UBAP1: variants seen among roughly 807,000 people sequenced by gnomAD.
UBAP1 encodes the protein ubiquitin-associated protein 1.
In UBAP1, 5 loss-of-function variants were observed where a neutral mutation model predicts 39.0. The observed-to-expected ratio is 0.13, with a 90% CI of 0.07 to 0.27. The LOEUF is 0.27. UBAP1 is among the 10% of genes least tolerant of loss of function. UBAP1 has a pLI of 1.00. For synonymous variants in UBAP1, 211 were observed against 225.1 expected (o/e 0.94, Z 0.56); for missense variants, 490 against 608.1 (o/e 0.81, Z 2.04).
In UBAP1 at chr9:34,180,866, A is replaced by G. The variant is rs193189521; in HGVS notation, c.-8+1626A>G. Among the ~76,000 whole-genome samples, 546 of 150,242 alleles carry G rather than the reference A, an allele frequency of 3.6e-3. 7 individuals carry two copies. The highest frequency in any genetic ancestry group is 0.012 in the African/African-American group (509 of 40,752). On this transcript the variant is annotated intron_variant, in intron 1 of 6. Coordinates refer to ENST00000297661, the MANE Select transcript of UBAP1 (RefSeq NM_016525.5). ...CGGTCTGTTGCCCAGGCTGGAGTGC[A>G]GTGGCGCGATCTTGGCTTGCTGCAA... is the stretch of plus-strand genomic sequence containing the variant.
chr9:34,198,661 C>T (rs1180720238), intron 1 of UBAP1, among the ~76,000 whole-genome samples: 1 of 152,188 alleles, frequency 6.6e-6, no homozygotes, highest in Non-Finnish European at 1.5e-5. Flanking sequence ...CTGTGAGCCC[C>T]ACCCCCTTCT....
At position 34,251,267 on chromosome 9, in the gene UBAP1, G is replaced by A; in HGVS notation, c.1369-125G>A. On this transcript the variant is annotated intron_variant, in intron 6 of 6. Coordinates refer to ENST00000297661, the MANE Select transcript of UBAP1 (RefSeq NM_016525.5). ...TAGGGGACCTTATGGAGACTCACGG[G>A]GCTCTGGGGGAAGGATGTAGACATT... 3 of 1,058,064 alleles carry A rather than the reference G, an allele frequency of 2.8e-6. No individual in the cohort carries two copies. In the East Asian group the frequency reaches 7.3e-5, roughly 26 times the overall value. The allele number at this position is 1,058,064 out of a possible 1,614,324, so 65.5% of individuals were successfully genotyped here.
chr9:34,221,328 G>T (rs897687838), intron 2 of UBAP1, among the ~76,000 whole-genome samples: 3 of 152,020 alleles, frequency 2.0e-5, no homozygotes, highest in Non-Finnish European at 2.9e-5. Flanking sequence ...AGGAGATCGA[G>T]ACCATCCTGT....
At chr9:34,190,200 TA>T (rs1297268418) in intron 1 of UBAP1, among the ~76,000 whole-genome samples, 16 of 152,232 alleles carry the variant, frequency 1.1e-4, no homozygotes, top group Non-Finnish European at 2.9e-5. Context: ...TTAATGTTAA[TA>T]AAATCTTAAA....
chr9:34,198,152 G>A (rs1831166939), intron 1 of UBAP1, among the ~76,000 whole-genome samples: 1 of 152,152 alleles, frequency 6.6e-6, no homozygotes, highest in Non-Finnish European at 1.5e-5. Context: ...CAGCTGGCTG[G>A]GCTCCATGTT....
rs1587880822 is a variant in UBAP1, at chr9:34,242,063, G to A, written c.1038G>A (p.Leu346=). ...TSSQMPSLSV[L]SVCTEESSPP... ...CCCAGATGCCTTCCCTCTCTGTTTT[G>A]TCTGTGTGCACAGAGGAATCATCAC... The change falls in exon 4 of 7, where the codon TTG becomes TTA. Residue 346 remains leucine (L), a synonymous_variant. Transcript: ENST00000297661. 1.1e-5 allele frequency: 18 copies of A among 1,613,558 alleles called. No individual in the cohort carries two copies. The highest frequency in any genetic ancestry group is 2.2e-5 in the East Asian group (1 of 44,872).
At chr9:34,207,661 C>CT (rs535440867) in intron 1 of UBAP1, among the ~76,000 whole-genome samples, 47,096 of 142,808 alleles carry the variant, frequency 0.33, 9,191 homozygotes, top group Non-Finnish European at 0.45. Flanking sequence ...TTATTTATTT[C>CT]TTTTTTTTTT....
At chr9:34,233,856 G>A (rs146756306) in intron 2 of UBAP1, among the ~76,000 whole-genome samples, 1 of 146,190 alleles carries the variant, frequency 6.8e-6, no homozygotes, top group Non-Finnish European at 1.6e-5. Flanking sequence ...AGGAACAGTT[G>A]GTACAGAGTA....
chr9:34,223,815 T>G (rs1434962984), intron 2 of UBAP1, among the ~76,000 whole-genome samples: 1 of 152,224 alleles, frequency 6.6e-6, no homozygotes, highest in Non-Finnish European at 1.5e-5. Flanking sequence ...AAAAATTTTC[T>G]TTCTCCCTTA....
chr9:34,197,549 G>T (rs1290422115), intron 1 of UBAP1, among the ~76,000 whole-genome samples: 1 of 151,776 alleles, frequency 6.6e-6, no homozygotes, highest in Non-Finnish European at 1.5e-5. Flanking sequence ...ATGTTTCCTT[G>T]GTTCTTTTTT....
rs565299859 is a variant in UBAP1 at position 34,223,383 on chromosome 9, T to C, written c.34+2435T>C. Among the ~76,000 whole-genome samples the C allele has an allele frequency of 2.7e-3, 405 of 149,658 alleles. 1 individual carries two copies. The highest frequency in any genetic ancestry group is 5.0e-3 in the Non-Finnish European group (338 of 67,644). On this transcript the variant is annotated intron_variant, in intron 2 of 6. Coordinates refer to ENST00000297661, the MANE Select transcript of UBAP1 (RefSeq NM_016525.5). The stretch of plus-strand genomic sequence containing the variant: ...AGGCAGAGGTTGCAGTGAACTGAGA[T>C]GGTGCCAATGCACTCCATTCCATCT...
intron 1 of UBAP1, among the ~76,000 whole-genome samples, chr9:34,207,456 G>C (rs183835228): frequency 6.6e-6 from 1 of 150,622 alleles, no homozygotes; most frequent in East Asian, 1.9e-4. Flanking sequence ...TGGCAAATTT[G>C]TATAGCAACT....
chr9:34,234,347 G>A lies in UBAP1; in HGVS notation c.159+7G>A, dbSNP rs1002007210. On this transcript the variant is annotated splice_region_variant and intron_variant, in intron 3 of 6. Coordinates refer to ENST00000297661, the MANE Select transcript of UBAP1 (RefSeq NM_016525.5). ...GGTTGTCAGAGAAGTACAGGTAAGT[G>A]GTAATTTTTAGTTAAAGTTTAGTGC... 3 of 1,580,636 alleles carry A rather than the reference G, an allele frequency of 1.9e-6. No individual in the cohort carries two copies. Among genetic ancestry groups the A allele is most frequent in the African/African-American group, 1.4e-5 (1 of 72,868 alleles).
Position 34,251,469 on chromosome 9 carries a change from A to T in UBAP1, c.1446A>T (p.Leu482=), listed in dbSNP as rs374691284. ...TGAAAGACATTAAGGAAGTTTTGCT[A>T]TTACACAACAATGACCAGGACAATG... ...FELKDIKEVL[L]LHNNDQDNAL... Residue 482 remains leucine, a synonymous_variant, in exon 7 of 7, where the codon CTA becomes CTT. Coordinates refer to ENST00000297661, the MANE Select transcript of UBAP1 (RefSeq NM_016525.5). 6.2e-7 allele frequency: 1 copy of T among 1,614,182 alleles called. No individual in the cohort carries two copies.
intron 1 of UBAP1, among the ~76,000 whole-genome samples, chr9:34,189,276 C>G (rs1051877834): frequency 6.6e-6 from 1 of 151,706 alleles, no homozygotes; most frequent in Non-Finnish European, 1.5e-5. Context: ...GCAACCTCCT[C>G]CTCCAGGGTT....
intron 1 of UBAP1, among the ~76,000 whole-genome samples, chr9:34,190,256 C>T (rs745762824): frequency 6.6e-6 from 1 of 151,870 alleles, no homozygotes; most frequent in Non-Finnish European, 1.5e-5. Flanking sequence ...GTGTCCTATC[C>T]GTTTTCTTGA....
At chr9:34,234,451 G>T in intron 3 of UBAP1, 111 bp downstream of exon 3, 1 of 1,252,554 alleles carries the variant, frequency 8.0e-7, no homozygotes, top group Non-Finnish European at 1.1e-6. Flanking sequence ...TCATGTTTTG[G>T]TCAACGATGG....
At chr9:34,207,538 C>T (rs1290059701) in intron 1 of UBAP1, among the ~76,000 whole-genome samples, 1 of 151,762 alleles carries the variant, frequency 6.6e-6, no homozygotes, top group East Asian at 1.9e-4. Flanking sequence ...TCTAAGTTTT[C>T]TTTTGTGTCT....
At chr9:34,239,737 A>G (rs1833870325) in intron 3 of UBAP1, among the ~76,000 whole-genome samples, 1 of 152,148 alleles carries the variant, frequency 6.6e-6, no homozygotes, top group African/African-American at 2.4e-5. Flanking sequence ...GAGGATGAGG[A>G]TGATTAGCTT....
Sources: gnomAD v4.1 joint callset for allele counts (sites outside exome capture counted in the v4.1 genomes callset) on GRCh38, gnomAD v4.1.1 for gene constraint, MANE v1.5 for transcripts, NCBI Gene and HGNC (gene_info 2026-07-23, HGNC 2026-07-21) for gene names.